The following SKIC3 variants were observed in gnomAD, a reference collection of about 807,000 sequenced individuals.
SKIC3 encodes the protein SKI3 subunit of superkiller complex.
the SKIC3 span, among the ~76,000 whole-genome samples, chr5:95,475,288 G>A: frequency 6.6e-6 from 1 of 152,170 alleles, no homozygotes; most frequent in African/African-American, 2.4e-5. Flanking sequence ...GTAATCCCCA[G>A]TGTTGGAAGT....
At chr5:95,506,571 C>T in the SKIC3 span, among the ~76,000 whole-genome samples, 1 of 152,152 alleles carries the variant, frequency 6.6e-6, no homozygotes, top group Admixed American at 6.5e-5. Flanking sequence ...TGTACTGTTT[C>T]AAAGGGGTTA....
the SKIC3 span, among the ~76,000 whole-genome samples, chr5:95,492,680 A>C: frequency 2.1e-5 from 3 of 142,058 alleles, no homozygotes; most frequent in Admixed American, 7.2e-5. Flanking sequence ...AAAAAAAAAA[A>C]AAAAAAAAAC....
the SKIC3 span, among the ~76,000 whole-genome samples, chr5:95,485,026 G>A: frequency 6.6e-6 from 1 of 152,096 alleles, no homozygotes; most frequent in Non-Finnish European, 1.5e-5. Context: ...AAAGTTTCAT[G>A]GCAGGAGTAT....
At chr5:95,524,234 T>TA in the SKIC3 span, among the ~76,000 whole-genome samples, 4 of 152,334 alleles carry the variant, frequency 2.6e-5, no homozygotes, top group East Asian at 7.7e-4. Context: ...TTACAAGAGA[T>TA]AATTATGTCT....
At chr5:95,501,520 A>T in the SKIC3 span, among the ~76,000 whole-genome samples, 1 of 152,074 alleles carries the variant, frequency 6.6e-6, no homozygotes, top group East Asian at 1.9e-4. Context: ...CAAACAAAAT[A>T]ATGCCAATGG....
the SKIC3 span, chr5:95,512,488 T>C: frequency 6.2e-7 from 1 of 1,613,916 alleles, no homozygotes; most frequent in South Asian, 1.1e-5. Context: ...TACATATTTA[T>C]TCAAAATAAC....
the SKIC3 span, among the ~76,000 whole-genome samples, chr5:95,475,990 C>A: frequency 1.3e-5 from 2 of 152,218 alleles, no homozygotes; most frequent in Admixed American, 6.5e-5. Context: ...AGGGGAAGCC[C>A]CCTCTGATCA....
At chr5:95,534,911 A>G in the SKIC3 span, among the ~76,000 whole-genome samples, 1 of 152,226 alleles carries the variant, frequency 6.6e-6, no homozygotes, top group South Asian at 2.1e-4. Flanking sequence ...TAACTGCCCC[A>G]TTAACATCTC....
At chr5:95,549,737 C>T in the SKIC3 span, among the ~76,000 whole-genome samples, 1 of 151,798 alleles carries the variant, frequency 6.6e-6, no homozygotes, top group Non-Finnish European at 1.5e-5. Flanking sequence ...ACTACTACTT[C>T]CTTTTTTTTT....
At chr5:95,489,420 T>C in the SKIC3 span, among the ~76,000 whole-genome samples, 1 of 150,952 alleles carries the variant, frequency 6.6e-6, no homozygotes, top group Non-Finnish European at 1.5e-5. Context: ...TGTTTTACTA[T>C]AAGGACTTGC....
the SKIC3 span, among the ~76,000 whole-genome samples, chr5:95,476,673 G>A: frequency 6.6e-6 from 1 of 152,030 alleles, no homozygotes; most frequent in East Asian, 1.9e-4. Flanking sequence ...CACTACTAAG[G>A]GCTTTAAACA....
At chr5:95,554,609 C>G in the SKIC3 span, among the ~76,000 whole-genome samples, 1 of 152,134 alleles carries the variant, frequency 6.6e-6, no homozygotes, top group African/African-American at 2.4e-5. Context: ...CATGGGAGCA[C>G]AGTAAATCCT....
the SKIC3 span, among the ~76,000 whole-genome samples, chr5:95,472,295 C>T: frequency 6.6e-6 from 1 of 152,212 alleles, no homozygotes; most frequent in African/African-American, 2.4e-5. Flanking sequence ...GGAGATACTC[C>T]TGCCTACCCT....
At chr5:95,515,149 A>C in the SKIC3 span, 1 of 453,854 alleles carries the variant, frequency 2.2e-6, no homozygotes, top group Non-Finnish European at 4.1e-6. Flanking sequence ...GGAGTTCTGA[A>C]CCCTAGCAAA....
the SKIC3 span, chr5:95,525,682 T>C: frequency 6.2e-7 from 1 of 1,613,368 alleles, no homozygotes; most frequent in South Asian, 1.1e-5. Flanking sequence ...ATCTAGAAAA[T>C]AATTGTAAAG....
chr5:95,474,268 G>A, the SKIC3 span, among the ~76,000 whole-genome samples: 1 of 152,148 alleles, frequency 6.6e-6, no homozygotes, highest in Non-Finnish European at 1.5e-5. Context: ...ATTGGTCAAT[G>A]TGTCTGTTTT....
the SKIC3 span, among the ~76,000 whole-genome samples, chr5:95,552,283 A>G: frequency 1.3e-5 from 2 of 152,204 alleles, no homozygotes; most frequent in African/African-American, 2.4e-5. Context: ...AGTACAGCCT[A>G]CAACAGGGAT....
chr5:95,497,196 G>A, the SKIC3 span, among the ~76,000 whole-genome samples: 8 of 152,052 alleles, frequency 5.3e-5, no homozygotes, highest in African/African-American at 1.4e-4. Flanking sequence ...TTCTTTGTAC[G>A]TCTTTGTAGC....
At chr5:95,525,353 G>T in the SKIC3 span, 2 of 1,551,484 alleles carry the variant, frequency 1.3e-6, no homozygotes, top group South Asian at 2.2e-5. Flanking sequence ...GAAATATAAA[G>T]AACTAAGATG....
Sources: gnomAD v4.1 joint callset for allele counts (sites outside exome capture counted in the v4.1 genomes callset) on GRCh38, gnomAD v4.1.1 for gene constraint, MANE v1.5 for transcripts, NCBI Gene and HGNC (gene_info 2026-07-23, HGNC 2026-07-21) for gene names.